Variants in EYA4 observed in about 807,000 individuals in gnomAD.
EYA4 encodes the protein protein phosphatase EYA4.
In EYA4, 31 loss-of-function variants were observed where a neutral mutation model predicts 87.9. The observed-to-expected ratio is 0.35, with a 90% CI of 0.27 to 0.48. The LOEUF is 0.48. Among genes scored for constraint, EYA4 ranks in the 20% least tolerant of loss-of-function variants. The pLI, the probability that EYA4 is intolerant of heterozygous loss-of-function variation, is 0.99. For missense variants in EYA4, 678 were observed against 761.4 expected, an observed-to-expected ratio of 0.89 and a Z score of 1.29; for synonymous variants, 263 against 270.6, an observed-to-expected ratio of 0.97 and a Z score of 0.28.
In EYA4 at chr6:133,407,852, A is replaced by G. The variant is rs137963098; in HGVS notation, c.83+25411A>G. 6.1e-3 allele frequency among the ~76,000 whole-genome samples: 934 copies of G among 152,270 alleles called. 12 individuals carry two copies. The highest frequency in any genetic ancestry group is 0.021 in the African/African-American group (871 of 41,542). On this transcript the variant is annotated intron_variant, in intron 3 of 19. Coordinates refer to ENST00000355286, the MANE Select transcript of EYA4 (RefSeq NM_004100.5). ...TTCCTAGACCACTATCTGTCATGCAATTTGAGTCTGTTTTCCAAATGGTAG... is the reference window on the plus strand; with the variant it reads ...TTCCTAGACCACTATCTGTCATGCAGTTTGAGTCTGTTTTCCAAATGGTAG...
At chr6:133,507,173 G>A (rs1237350070) in intron 14 of EYA4, 1 of 152,132 alleles carries the variant, frequency 6.6e-6, no homozygotes, top group Non-Finnish European at 1.5e-5. Flanking sequence ...TGAAGTAAAT[G>A]TGTTTATCAC....
chr6:133,318,059 A>G (rs1780763208), intron 2 of EYA4, among the ~76,000 whole-genome samples: 1 of 152,194 alleles, frequency 6.6e-6, no homozygotes, highest in Admixed American at 6.5e-5. Flanking sequence ...GATAAATAAT[A>G]CATATTTGTA....
At chr6:133,285,724 A>G (rs1311943097) in intron 2 of EYA4, among the ~76,000 whole-genome samples, 8 of 152,234 alleles carry the variant, frequency 5.3e-5, no homozygotes. Flanking sequence ...AAAAATCAAC[A>G]AAGTAGCATT....
intron 2 of EYA4, among the ~76,000 whole-genome samples, chr6:133,312,304 G>A (rs1045532997): frequency 2.0e-5 from 3 of 151,996 alleles, no homozygotes; most frequent in African/African-American, 4.8e-5. Context: ...AAGCACTTGG[G>A]TGGATCTTGG....
At chr6:133,374,460 T>C (rs714176) in intron 2 of EYA4, among the ~76,000 whole-genome samples, 4,609 of 152,112 alleles carry the variant, frequency 0.03, 170 homozygotes, top group East Asian at 0.2. Context: ...AGGTTTTTGG[T>C]GGTGGATTTT....
intron 2 of EYA4, among the ~76,000 whole-genome samples, chr6:133,277,254 A>G (rs1032378874): frequency 5.9e-5 from 9 of 152,160 alleles, no homozygotes; most frequent in Non-Finnish European, 1.0e-4. Context: ...TGCAATTTTT[A>G]AGGCCACTAT....
intron 2 of EYA4, among the ~76,000 whole-genome samples, chr6:133,357,128 G>A (rs917398457): frequency 5.3e-5 from 8 of 151,604 alleles, no homozygotes; most frequent in Non-Finnish European, 8.8e-5. Context: ...AAAATTAGCC[G>A]GGCTTCGTGG....
intron 2 of EYA4, among the ~76,000 whole-genome samples, chr6:133,361,280 C>A (rs911994602): frequency 3.9e-5 from 6 of 152,126 alleles, no homozygotes; most frequent in African/African-American, 1.4e-4. Context: ...AAGATAATGT[C>A]TTTCTTTGGA....
intron 3 of EYA4, among the ~76,000 whole-genome samples, chr6:133,414,203 TC>T (rs1789504186): frequency 6.6e-6 from 1 of 152,108 alleles, no homozygotes; most frequent in Non-Finnish European, 1.5e-5. Flanking sequence ...TCCTCCATGT[TC>T]TCTATGCTCA....
At chr6:133,436,214 C>A (rs1402843254) in intron 3 of EYA4, among the ~76,000 whole-genome samples, 1 of 150,920 alleles carries the variant, frequency 6.6e-6, no homozygotes, top group African/African-American at 2.4e-5. Context: ...AGCAAGACTC[C>A]GTCTTGAGGA....
intron 2 of EYA4, among the ~76,000 whole-genome samples, chr6:133,292,906 T>TA (rs1778603114): frequency 6.6e-6 from 1 of 152,162 alleles, no homozygotes; most frequent in Non-Finnish European, 1.5e-5. Flanking sequence ...TAGATGTAAT[T>TA]AGAGTAAACT....
intron 11 of EYA4, among the ~76,000 whole-genome samples, chr6:133,473,819 C>T (rs1795487631): frequency 6.6e-6 from 1 of 151,858 alleles, no homozygotes; most frequent in Non-Finnish European, 1.5e-5. Flanking sequence ...GCACCTAGAG[C>T]ACAAAATTTA....
chr6:133,295,492 A>G (rs1452943539), intron 2 of EYA4, among the ~76,000 whole-genome samples: 1 of 152,254 alleles, frequency 6.6e-6, no homozygotes, highest in Non-Finnish European at 1.5e-5. Flanking sequence ...TAAAATGATA[A>G]TGAAACCTAT....
Position 133,525,163 on chromosome 6 carries a change from G to T in EYA4, c.1748G>T (p.Ser583Ile), listed in dbSNP as rs749562148. 2 of 1,613,604 alleles carry T rather than the reference G, an allele frequency of 1.2e-6. No individual in the cohort carries two copies. The highest frequency in any genetic ancestry group is 1.7e-6 in the Non-Finnish European group (2 of 1,179,778). ...IYSATKIGKESCFERIMQRFG... is the reference protein window; with the variant it reads ...IYSATKIGKEICFERIMQRFG... ...CTCATTTATCTTCCAGGAAAAGAAA[G>T]TTGCTTTGAACGAATAATGCAAAGG... Residue 583 changes from serine to isoleucine, a missense_variant, in exon 19 of 20, where the codon AGT becomes ATT. Ser to Ile is a moderately radical substitution (Grantham distance 142, BLOSUM62 -2). Transcript: ENST00000355286.
intron 3 of EYA4, among the ~76,000 whole-genome samples, chr6:133,398,676 G>A (rs1042578285): frequency 1.3e-5 from 2 of 152,126 alleles, no homozygotes; most frequent in Non-Finnish European, 2.9e-5. Flanking sequence ...TAAAAACTTT[G>A]AGAAGACTCT....
At chr6:133,436,143 C>T (rs577889540) in intron 3 of EYA4, among the ~76,000 whole-genome samples, 249 of 151,888 alleles carry the variant, frequency 1.6e-3, no homozygotes, top group Non-Finnish European at 2.5e-3. Context: ...TGCTTGAACT[C>T]GGAAGGCGGA....
chr6:133,483,195 T>C lies in EYA4; in HGVS notation c.1191+80T>C, dbSNP rs1224670168. ...TTTAAAATCAAGGGCTATTTAAAAA[T>C]TCTTTTAAGTGTTTTTTTATTGCAG... is the stretch of plus-strand genomic sequence containing the variant. On this transcript the variant is annotated intron_variant, in intron 13 of 19. Coordinates refer to ENST00000355286, the MANE Select transcript of EYA4 (RefSeq NM_004100.5). The C allele has an allele frequency of 4.8e-6, 5 of 1,047,002 alleles. No individual in the cohort carries two copies. In the Admixed American group the frequency reaches 7.2e-5, roughly 15 times the overall value. 64.9% of individuals were successfully genotyped at this position (1,047,002 alleles called of 1,614,324 possible).
chr6:133,396,965 G>A (rs120490), intron 3 of EYA4, among the ~76,000 whole-genome samples: 81,153 of 152,042 alleles, frequency 0.53, 26,720 homozygotes, highest in Non-Finnish European at 0.73. Flanking sequence ...TTCATCAGAG[G>A]AAGATACTGT....
chr6:133,503,278 T>C (rs1798297321), intron 13 of EYA4, among the ~76,000 whole-genome samples: 1 of 152,200 alleles, frequency 6.6e-6, no homozygotes, highest in South Asian at 2.1e-4. Flanking sequence ...AGGAACAGTA[T>C]GTTTTCTCCC....
Sources: gnomAD v4.1 joint callset for allele counts (sites outside exome capture counted in the v4.1 genomes callset) on GRCh38, gnomAD v4.1.1 for gene constraint, MANE v1.5 for transcripts, NCBI Gene and HGNC (gene_info 2026-07-23, HGNC 2026-07-21) for gene names.